The following HDAC9 variants were observed in gnomAD, a reference collection of about 807,000 sequenced individuals.
HDAC9 encodes MEF-2 interacting transcription repressor (MITR) protein.
HDAC9 carries 41 observed loss-of-function variants against 139.4 expected under a neutral mutation model. The ratio of observed to expected loss-of-function variants is 0.29; its 90% CI spans 0.23 to 0.38. HDAC9 has a LOEUF of 0.38. Ranked by LOEUF, HDAC9 falls within the 10% of genes least tolerant of loss-of-function variation. HDAC9 has a pLI of 1.00. For missense variants in HDAC9, 1,147 were observed against 1,297.0 expected, an observed-to-expected ratio of 0.88 and a Z score of 1.78; for synonymous variants, 517 against 476.2, an observed-to-expected ratio of 1.09 and a Z score of -1.12.
At chr7:18,099,569 T>A (rs2128069052) in intron 1 of HDAC9, among the ~76,000 whole-genome samples, 1 of 152,362 alleles carries the variant, frequency 6.6e-6, no homozygotes, top group South Asian at 2.1e-4. Flanking sequence ...AGTTACTTAC[T>A]GCTTTTCTCT....
chr7:18,766,696 G>A (rs758879890), intron 15 of HDAC9, among the ~76,000 whole-genome samples: 1 of 152,072 alleles, frequency 6.6e-6, no homozygotes, highest in Non-Finnish European at 1.5e-5. Context: ...GTATATGGTG[G>A]CATAAACCTT....
At chr7:18,413,865 GGTAGGTGCTATA>G (rs1352307738) in intron 1 of HDAC9, among the ~76,000 whole-genome samples, 1 of 152,034 alleles carries the variant, frequency 6.6e-6, no homozygotes, top group Non-Finnish European at 1.5e-5. Context: ...TTAACTCTGT[GGTAGGTGCTATA>G]TCTTTGTGTT....
chr7:18,277,545 T>C (rs1408182509), intron 2 of HDAC9, among the ~76,000 whole-genome samples: 3 of 152,196 alleles, frequency 2.0e-5, no homozygotes, highest in Non-Finnish European at 4.4e-5. Context: ...GTAGAACTTA[T>C]AGTTCTTTTC....
chr7:18,568,784 A>T (rs563722393), intron 2 of HDAC9, among the ~76,000 whole-genome samples: 79 of 152,310 alleles, frequency 5.2e-4, no homozygotes, highest in Admixed American at 1.1e-3. Flanking sequence ...GCAGTGGCTC[A>T]CACCTGTAAT....
chr7:18,990,615 G>T (rs1472494605), intron 25 of HDAC9, among the ~76,000 whole-genome samples: 2 of 152,168 alleles, frequency 1.3e-5, no homozygotes, highest in Non-Finnish European at 2.9e-5. Context: ...ACCTAAGCAA[G>T]GCTGGGCAAT....
intron 1 of HDAC9, among the ~76,000 whole-genome samples, chr7:18,461,870 A>C (rs1014763465): frequency 6.6e-6 from 1 of 152,132 alleles, no homozygotes; most frequent in Non-Finnish European, 1.5e-5. Flanking sequence ...TGTAGCTTAC[A>C]TGTAAGGGAT....
At chr7:18,712,722 A>T (rs1028878000) in intron 12 of HDAC9, among the ~76,000 whole-genome samples, 4 of 152,230 alleles carry the variant, frequency 2.6e-5, no homozygotes, top group African/African-American at 9.6e-5. Context: ...CCACTTTAAC[A>T]TATTATTTAT....
chr7:18,534,900 G>T (rs1810359105), intron 2 of HDAC9, among the ~76,000 whole-genome samples: 3 of 152,160 alleles, frequency 2.0e-5, no homozygotes, highest in Non-Finnish European at 4.4e-5. Flanking sequence ...GGCTGTGAGG[G>T]TATGGGCATG....
chr7:18,993,598 TCAAAAC>T (rs1004540037), intron 25 of HDAC9, among the ~76,000 whole-genome samples: 2 of 151,942 alleles, frequency 1.3e-5, no homozygotes, highest in African/African-American at 4.8e-5. Context: ...GCCCAGGAGT[TCAAAAC>T]CAGCCTGGGC....
chr7:18,516,510 C>T (rs544013723), intron 2 of HDAC9, among the ~76,000 whole-genome samples: 142 of 152,222 alleles, frequency 9.3e-4, no homozygotes, highest in African/African-American at 3.3e-3. Flanking sequence ...CTCTCACCTC[C>T]TTCACATGAG....
chr7:18,973,009 T>C (rs916142253), intron 24 of HDAC9, among the ~76,000 whole-genome samples: 3 of 152,234 alleles, frequency 2.0e-5, no homozygotes, highest in African/African-American at 7.2e-5. Context: ...TCATGTCTAC[T>C]GGAAGGTGGG....
chr7:18,319,688 C>T lies in HDAC9; in HGVS notation c.-42+29173C>T, dbSNP rs190645419. On this transcript the variant is annotated intron_variant, in intron 1 of 3. Transcript: ENST00000413509. ...AAAAGGCTAAATTTAAGAGGCACTT[C>T]TGTTGTGTTCCTCAAAAAAATTTTT... is the stretch of plus-strand genomic sequence containing the variant. 3.3e-5 allele frequency among the ~76,000 whole-genome samples: 5 copies of T among 152,260 alleles called. No individual in the cohort carries two copies. The East Asian group carries it at 9.7e-4, about 29-fold the overall frequency.
chr7:18,420,039 A>C (rs760337360), intron 1 of HDAC9, among the ~76,000 whole-genome samples: 4 of 152,214 alleles, frequency 2.6e-5, no homozygotes, highest in Non-Finnish European at 5.9e-5. Context: ...CTGCTAGTCT[A>C]TAGAAATTGT....
intron 2 of HDAC9, among the ~76,000 whole-genome samples, chr7:18,208,902 C>G (rs186290266): frequency 6.6e-6 from 1 of 152,174 alleles, no homozygotes; most frequent in Non-Finnish European, 1.5e-5. Context: ...GAAAAGACTT[C>G]TGCCTTACTC....
chr7:18,827,827 C>G (rs1037466388), intron 17 of HDAC9, among the ~76,000 whole-genome samples: 2 of 152,220 alleles, frequency 1.3e-5, no homozygotes, highest in South Asian at 2.1e-4. Flanking sequence ...ACCAAATTCT[C>G]TATTCTCAGA....
intron 25 of HDAC9, among the ~76,000 whole-genome samples, chr7:18,983,422 A>T (rs528879575): frequency 6.6e-6 from 1 of 152,304 alleles, no homozygotes; most frequent in South Asian, 2.1e-4. Context: ...GGATGTGCAA[A>T]TAACTCTTTA....
intron 2 of HDAC9, among the ~76,000 whole-genome samples, chr7:18,216,164 GAGAT>G: frequency 6.6e-6 from 1 of 151,864 alleles, no homozygotes; most frequent in East Asian, 1.9e-4. Context: ...GAGAGTTTGA[GAGAT>G]AGAACAGAGA....
chr7:18,640,746 A>C (rs1367002390), intron 8 of HDAC9, among the ~76,000 whole-genome samples: 1 of 152,024 alleles, frequency 6.6e-6, no homozygotes, highest in African/African-American at 2.4e-5. Context: ...GTGTTTTTAC[A>C]TCCAGACACC....
At chr7:18,700,796 G>A (rs889117581) in intron 12 of HDAC9, among the ~76,000 whole-genome samples, 14 of 152,140 alleles carry the variant, frequency 9.2e-5, no homozygotes, top group Admixed American at 3.3e-4. Context: ...TGCTCACAGG[G>A]CATGGCACAA....
Sources: allele counts gnomAD v4.1 joint callset (sites outside exome capture counted in the v4.1 genomes callset), GRCh38; gene constraint gnomAD v4.1.1; transcripts MANE v1.5; gene names NCBI Gene and HGNC (gene_info 2026-07-23, HGNC 2026-07-21).